The following EYS variants were observed in gnomAD, a reference collection of about 807,000 sequenced individuals.
The protein encoded by EYS is protein eyes shut homolog.
Under a neutral mutation model 282.1 loss-of-function variants are expected in EYS, and 250 were observed. The observed-to-expected ratio is 0.89, with a 90% CI of 0.80 to 0.98. The LOEUF is 0.98. Among genes scored for constraint, EYS ranks in the 50% least tolerant of loss-of-function variants. EYS has a pLI of 0.00. For missense variants in EYS, 4,016 were observed against 3,709.0 expected (o/e 1.08, Z -2.15); for synonymous variants, 1,355 against 1,282.9 (o/e 1.06, Z -1.20).
intron 33 of EYS, among the ~76,000 whole-genome samples, chr6:64,034,470 C>T (rs996254617): frequency 6.6e-6 from 1 of 152,176 alleles, no homozygotes; most frequent in Non-Finnish European, 1.5e-5. Flanking sequence ...GATGGGGCCC[C>T]AAGCAGCCTG....
At chr6:65,299,534 G>T (rs1161834917) in intron 11 of EYS, among the ~76,000 whole-genome samples, 1 of 151,980 alleles carries the variant, frequency 6.6e-6, no homozygotes, top group Non-Finnish European at 1.5e-5. Context: ...TGAAATGCCA[G>T]GCGTTTTGGT....
At chr6:64,388,929 T>C in intron 28 of EYS, 89 bp from the exon 29 acceptor site, 1 of 853,764 alleles carries the variant, frequency 1.2e-6, no homozygotes, top group East Asian at 3.2e-5. Context: ...AAAAGAATAA[T>C]TTAAGTAAAT....
intron 2 of EYS, among the ~76,000 whole-genome samples, chr6:65,577,962 C>T (rs1269015367): frequency 6.6e-6 from 1 of 151,642 alleles, no homozygotes; most frequent in Non-Finnish European, 1.5e-5. Context: ...GAAAAGGGAA[C>T]AACTGTACAC....
chr6:64,419,107 T>C (rs1246178009), intron 28 of EYS, among the ~76,000 whole-genome samples: 1 of 152,100 alleles, frequency 6.6e-6, no homozygotes, highest in Non-Finnish European at 1.5e-5. Context: ...CCTGGCTAGT[T>C]CCCCACAAAT....
At chr6:64,654,205 T>C (rs1456051825) in intron 22 of EYS, among the ~76,000 whole-genome samples, 2 of 152,212 alleles carry the variant, frequency 1.3e-5, no homozygotes, top group African/African-American at 2.4e-5. Context: ...GAGATTAATA[T>C]TAATAGACTA....
At chr6:64,381,560 T>A (rs982659607) in intron 29 of EYS, among the ~76,000 whole-genome samples, 2 of 152,226 alleles carry the variant, frequency 1.3e-5, no homozygotes, top group African/African-American at 4.8e-5. Context: ...TGCATATGTT[T>A]TTTGGTATAT....
intron 8 of EYS, among the ~76,000 whole-genome samples, chr6:65,382,541 G>A (rs1368272729): frequency 6.8e-6 from 1 of 148,072 alleles, no homozygotes; most frequent in Admixed American, 6.8e-5. Flanking sequence ...ATTAGTCAAG[G>A]TTCTCTAGGG....
intron 35 of EYS, among the ~76,000 whole-genome samples, chr6:63,871,897 C>T (rs1772815099): frequency 6.6e-6 from 1 of 152,096 alleles, no homozygotes. Context: ...GCAGGAAACT[C>T]AGTGCTGCTC....
At chr6:64,331,319 C>T (rs1449180058) in intron 29 of EYS, among the ~76,000 whole-genome samples, 1 of 151,986 alleles carries the variant, frequency 6.6e-6, no homozygotes, top group Non-Finnish European at 1.5e-5. Flanking sequence ...CATATGGGCT[C>T]CAAAAGAAGT....
rs148458661 is a variant in EYS at position 64,330,523 on chromosome 6, C to T, written c.6079-23441G>A. Among the ~76,000 whole-genome samples, 1,228 of 152,260 alleles carry T rather than the reference C, an allele frequency of 8.1e-3. 4 individuals are homozygous for T. The highest frequency in any genetic ancestry group is 0.014 in the Middle Eastern group (4 of 294). ...ATTGGAACTGCCAGACATGACAAGG[C>T]CTTTTTACCTGTATGTCCATGAAAG... On this transcript the variant is annotated intron_variant, in intron 29 of 42. Coordinates refer to ENST00000503581, the MANE Select transcript of EYS (RefSeq NM_001142800.2).
intron 5 of EYS, among the ~76,000 whole-genome samples, chr6:65,476,820 T>C (rs1389841397): frequency 1.3e-5 from 2 of 152,212 alleles, no homozygotes; most frequent in East Asian, 3.9e-4. Context: ...TGTGATCCAC[T>C]GGCCTTGGCC....
chr6:64,613,872 C>T (rs1767185004), intron 24 of EYS, among the ~76,000 whole-genome samples: 1 of 152,114 alleles, frequency 6.6e-6, no homozygotes, highest in South Asian at 2.1e-4. Flanking sequence ...ACTCCCAGAG[C>T]ATTCTGTTCC....
chr6:63,751,227 A>G (rs1769333583), intron 41 of EYS, among the ~76,000 whole-genome samples: 2 of 152,194 alleles, frequency 1.3e-5, no homozygotes, highest in Admixed American at 1.3e-4. Flanking sequence ...ATGAGTTTAA[A>G]TGGATAATCT....
chr6:65,167,631 C>A (rs1456070916), intron 12 of EYS, among the ~76,000 whole-genome samples: 12 of 151,164 alleles, frequency 7.9e-5, no homozygotes, highest in Non-Finnish European at 1.5e-4. Context: ...TAATTTCAAT[C>A]TTGCTCCTGC....
chr6:65,486,681 GA>G (rs1765794718), intron 5 of EYS, among the ~76,000 whole-genome samples: 3 of 152,066 alleles, frequency 2.0e-5, no homozygotes, highest in African/African-American at 7.2e-5. Context: ...AAATTTCAAG[GA>G]TAAACTTACA....
intron 18 of EYS, among the ~76,000 whole-genome samples, chr6:64,888,159 T>C (rs1194741839): frequency 6.6e-6 from 1 of 151,974 alleles, no homozygotes; most frequent in Non-Finnish European, 1.5e-5. Flanking sequence ...GAAAGATTGA[T>C]TGATGGGTGC....
chr6:64,557,217 TACACACAC>T (rs3994994), intron 26 of EYS, among the ~76,000 whole-genome samples: 64,222 of 147,882 alleles, frequency 0.43, 14,078 homozygotes, highest in African/African-American at 0.54. Flanking sequence ...CACACACACA[TACACACAC>T]ACACACACAC....
intron 1 of EYS, among the ~76,000 whole-genome samples, chr6:65,660,915 G>A (rs1434038996): frequency 6.6e-6 from 1 of 151,716 alleles, no homozygotes; most frequent in African/African-American, 2.4e-5. Context: ...ACTCTACTAT[G>A]TAGCACTAGT....
intron 41 of EYS, among the ~76,000 whole-genome samples, chr6:63,739,456 T>C (rs910777643): frequency 3.3e-5 from 5 of 152,120 alleles, no homozygotes; most frequent in African/African-American, 1.2e-4. Flanking sequence ...TAAACAGTTA[T>C]TGGATTAAAG....
Sources: allele counts gnomAD v4.1 joint callset (sites outside exome capture counted in the v4.1 genomes callset), GRCh38; gene constraint gnomAD v4.1.1; transcripts MANE v1.5; gene names NCBI Gene and HGNC (gene_info 2026-07-23, HGNC 2026-07-21).